The following TIAM1 variants were observed in gnomAD, a reference collection of about 807,000 sequenced individuals.
TIAM1 encodes the protein rho guanine nucleotide exchange factor TIAM1.
TIAM1 carries 65 observed loss-of-function variants against 163.5 expected under a neutral mutation model. The observed-to-expected ratio is 0.40, with a 90% CI of 0.33 to 0.49. The LOEUF is 0.49. TIAM1 is among the 20% of genes least tolerant of loss of function. TIAM1 has a pLI of 0.77. For missense variants in TIAM1, 1,789 were observed against 2,044.7 expected, an observed-to-expected ratio of 0.87 and a Z score of 2.41; for synonymous variants, 833 against 810.1, an observed-to-expected ratio of 1.03 and a Z score of -0.48.
At chr21:31,328,266 C>G (rs142588853) in intron 2 of TIAM1, among the ~76,000 whole-genome samples, 7 of 152,176 alleles carry the variant, frequency 4.6e-5, no homozygotes, top group Non-Finnish European at 1.0e-4. Flanking sequence ...TCCCTATCCA[C>G]GGGTTCAGTA....
chr21:31,377,971 T>C (rs2076716115), intron 2 of TIAM1, among the ~76,000 whole-genome samples: 1 of 151,848 alleles, frequency 6.6e-6, no homozygotes, highest in Non-Finnish European at 1.5e-5. Flanking sequence ...ACCCCGTCTC[T>C]ACTAAAAATA....
intron 2 of TIAM1, among the ~76,000 whole-genome samples, chr21:31,379,699 G>T (rs935457602): frequency 6.6e-6 from 1 of 152,090 alleles, no homozygotes; most frequent in African/African-American, 2.4e-5. Context: ...GCAATAAAAA[G>T]AAATGAAGTA....
intron 7 of TIAM1, among the ~76,000 whole-genome samples, chr21:31,224,856 T>G (rs1181478999): frequency 1.3e-5 from 2 of 152,204 alleles, no homozygotes; most frequent in African/African-American, 4.8e-5. Flanking sequence ...TAGGACAAAG[T>G]GTCAAAGCAC....
chr21:31,139,420 C>T (rs960569212), intron 22 of TIAM1, among the ~76,000 whole-genome samples: 3 of 152,002 alleles, frequency 2.0e-5, no homozygotes, highest in African/African-American at 4.8e-5. Flanking sequence ...TAGTCAATAA[C>T]AAAAAGCATT....
intron 2 of TIAM1, among the ~76,000 whole-genome samples, chr21:31,305,067 A>G (rs917590324): frequency 1.3e-5 from 2 of 152,208 alleles, no homozygotes. Context: ...TAGTAACTTT[A>G]TATGTGTACA....
chr21:31,251,854 C>A lies in TIAM1; in HGVS notation c.1299G>T (p.Thr433=), dbSNP rs553606468. The change falls in exon 5 of 28, where the codon ACG becomes ACT. Residue 433 remains threonine, a synonymous_variant. Coordinates refer to ENST00000541036, the MANE Select transcript of TIAM1 (RefSeq NM_001353694.2). ...SDILLTAAQG[T]VRKAGALAVK... is the part of the protein sequence containing the mutation. ...CGGCCAGGGCGCCGGCCTTGCGCAC[C>A]GTGCCCTGTGCGGCGGTCAGCAGGA... 1 of 1,613,870 alleles carries A rather than the reference C, an allele frequency of 6.2e-7. No individual in the cohort carries two copies. The highest frequency in any genetic ancestry group is 2.2e-5 in the East Asian group (1 of 44,840).
At chr21:31,344,477 C>T (rs899330351), upstream of TIAM1, among the ~76,000 whole-genome samples, 4 of 152,190 alleles carry the variant, frequency 2.6e-5, no homozygotes, top group East Asian at 7.7e-4. Context: ...AACCATTTTA[C>T]GGATGAACCT....
Position 31,413,963 on chromosome 21 carries a change from T to A in TIAM1, c.-369+50020A>T, listed in dbSNP as rs2043292559. Among the ~76,000 whole-genome samples the A allele has an allele frequency of 2.0e-5, 3 of 152,178 alleles. No individual in the cohort carries two copies. The South Asian group carries it at 6.2e-4, about 31-fold the overall frequency. On this transcript the variant is annotated intron_variant, in intron 2 of 28. Transcript: ENST00000286827. Reference sequence around the variant, plus strand: ...GAAAGCAGCAGAGCAACCGTCGTGATGGGAGTGGTGCATTCTTCCAAGTTC... The same window carrying A: ...GAAAGCAGCAGAGCAACCGTCGTGAAGGGAGTGGTGCATTCTTCCAAGTTC...
intron 2 of TIAM1, among the ~76,000 whole-genome samples, chr21:31,350,135 AC>A (rs2076210637): frequency 1.3e-5 from 2 of 152,160 alleles, no homozygotes; most frequent in African/African-American, 4.8e-5. Flanking sequence ...CAATGGGGTC[AC>A]AGAGGGCTCA....
intron 2 of TIAM1, among the ~76,000 whole-genome samples, chr21:31,390,761 CAGGAAACACTGATGTTCA>C (rs2076952954): frequency 6.6e-6 from 1 of 152,182 alleles, no homozygotes; most frequent in Admixed American, 6.5e-5. Flanking sequence ...GAACCTATGC[CAGGAAACACTGATGTTCA>C]CCCATTAAAA....
At chr21:31,535,390 A>G (rs2048101399) in intron 1 of TIAM1, among the ~76,000 whole-genome samples, 1 of 147,262 alleles carries the variant, frequency 6.8e-6, no homozygotes, top group African/African-American at 2.6e-5. Context: ...CAAAAAAAAA[A>G]AAAAAAAAAA....
At chr21:31,499,532 C>A (rs1200055047) in intron 1 of TIAM1, among the ~76,000 whole-genome samples, 1 of 151,426 alleles carries the variant, frequency 6.6e-6, no homozygotes, top group African/African-American at 2.4e-5. Context: ...GAAAGCAAGA[C>A]CCTGTCTCTG....
chr21:31,139,297 A>G (rs2082742649), intron 22 of TIAM1, among the ~76,000 whole-genome samples: 4 of 152,216 alleles, frequency 2.6e-5, no homozygotes, highest in Admixed American at 2.0e-4. Context: ...AATATGACGT[A>G]ATGAAAATGT....
At chr21:31,407,471 C>T (rs2077266001) in intron 2 of TIAM1, among the ~76,000 whole-genome samples, 1 of 152,090 alleles carries the variant, frequency 6.6e-6, no homozygotes, top group Non-Finnish European at 1.5e-5. Context: ...TCAACCTCCT[C>T]TCCCAAGCAC....
rs1441766230 is a variant in TIAM1 at position 31,225,876 on chromosome 21, G to A, written c.1659C>T (p.His553=). Residue 553 remains histidine, a synonymous_variant, in exon 7 of 28, where the codon CAC becomes CAT. Transcript: ENST00000541036. ...HSACATAVAR[H]HHKEDTLRLL... ...GTCGGAGCGTGTCTTCCTTGTGGTG[G>A]TGCCTCGCGACCGCAGTGGCGCAGG... The A allele has an allele frequency of 4.3e-6, 7 of 1,614,192 alleles. No individual in the cohort carries two copies. The highest frequency in any genetic ancestry group is 2.2e-5 in the East Asian group (1 of 44,872).
intron 2 of TIAM1, among the ~76,000 whole-genome samples, chr21:31,459,219 C>T (rs142227844): frequency 2.6e-5 from 4 of 152,290 alleles, no homozygotes; most frequent in African/African-American, 9.6e-5. Context: ...TCACACGATC[C>T]TCCCACCTCA....
At chr21:31,383,543 G>A (rs2076815609) in intron 2 of TIAM1, among the ~76,000 whole-genome samples, 1 of 152,136 alleles carries the variant, frequency 6.6e-6, no homozygotes, top group Non-Finnish European at 1.5e-5. Context: ...TGGGCTTTCA[G>A]AGATTCGCCA....
intron 2 of TIAM1, among the ~76,000 whole-genome samples, chr21:31,329,960 C>T (rs541815769): frequency 5.3e-5 from 8 of 152,288 alleles, no homozygotes; most frequent in East Asian, 3.9e-4. Context: ...CTGCCCCACA[C>T]GCACAGCCTC....
At chr21:31,392,177 T>C (rs2147197441) in intron 2 of TIAM1, among the ~76,000 whole-genome samples, 1 of 152,356 alleles carries the variant, frequency 6.6e-6, no homozygotes, top group Non-Finnish European at 1.5e-5. Flanking sequence ...TACTGAGTCA[T>C]ATTCTCATTG....
Sources: gnomAD v4.1 joint callset for allele counts (sites outside exome capture counted in the v4.1 genomes callset) on GRCh38, gnomAD v4.1.1 for gene constraint, MANE v1.5 for transcripts, NCBI Gene and HGNC (gene_info 2026-07-23, HGNC 2026-07-21) for gene names.